The following BBIP1 variants were observed in gnomAD, a reference collection of about 807,000 sequenced individuals.
BBIP1 encodes the protein BBSome interacting protein 1.
BBIP1 carries 6 observed loss-of-function variants against 8.9 expected under a neutral mutation model. That is an observed-to-expected ratio of 0.67 (90% CI 0.37 to 1.33). The LOEUF is 1.33. Among genes scored for constraint, BBIP1 ranks in the 40% most tolerant of loss-of-function variants. BBIP1 has a pLI of 0.02. For synonymous variants in BBIP1, 32 were observed against 33.4 expected, an observed-to-expected ratio of 0.96 and a Z score of 0.14; for missense variants, 111 against 109.2, an observed-to-expected ratio of 1.02 and a Z score of -0.07.
At chr10:110,914,262 G>T (rs1405824777) in intron 2 of BBIP1, among the ~76,000 whole-genome samples, 4 of 151,940 alleles carry the variant, frequency 2.6e-5, no homozygotes, top group Non-Finnish European at 5.9e-5. Context: ...TATGTAAAGA[G>T]TATTTTTCTT....
intron 2 of BBIP1, among the ~76,000 whole-genome samples, chr10:110,915,082 T>C (rs1358978584): frequency 5.9e-5 from 9 of 152,302 alleles, no homozygotes. Flanking sequence ...GCATCAAAAC[T>C]CCCTGTACAA....
intron 2 of BBIP1, chr10:110,911,213 GCTT>G (rs1846267986): frequency 6.6e-6 from 1 of 152,072 alleles, no homozygotes; most frequent in Non-Finnish European, 1.5e-5. Flanking sequence ...GAAAAAATAA[GCTT>G]ATTAACATGT....
intron 2 of BBIP1, chr10:110,907,452 G>A (rs1031000659): frequency 9.1e-6 from 3 of 328,622 alleles, no homozygotes; most frequent in African/African-American, 6.5e-5. Flanking sequence ...GTTTTAGGTT[G>A]CAGTGAGATA....
chr10:110,901,879 G>T, intron 2 of BBIP1: 1 of 396,496 alleles, frequency 2.5e-6, no homozygotes, highest in Non-Finnish European at 4.7e-6. Flanking sequence ...ACTTGGTAGA[G>T]CTTCAGTTTT....
At chr10:110,904,405 A>G (rs1399322193) in intron 2 of BBIP1, 1 of 152,242 alleles carries the variant, frequency 6.6e-6, no homozygotes, top group African/African-American at 2.4e-5. Flanking sequence ...GGGATTAAGG[A>G]ATGCTGAGGG....
rs901977228 is a variant in BBIP1, at chr10:110,899,098, T to G, written c.*1262A>C. The G allele has an allele frequency of 6.6e-6, 1 of 152,208 alleles. No homozygotes were observed. Among genetic ancestry groups the G allele is most frequent in the Non-Finnish European group, 1.5e-5 (1 of 68,016 alleles). 9.4% of individuals were successfully genotyped at this position (152,208 alleles called of 1,614,324 possible). A position where few individuals can be genotyped will look rare whatever the true frequency, so the allele number is the denominator to read the frequency against. ...GACCCAAAGCTTGACATTTACCTAA[T>G]GTATGAGAAAATATTACCAATTAAC... On this transcript the variant is annotated 3_prime_UTR_variant, in exon 4 of 4. Coordinates refer to ENST00000448814, the MANE Select transcript of BBIP1 (RefSeq NM_001195305.3).
chr10:110,906,033 T>C (rs1249914646), intron 2 of BBIP1, among the ~76,000 whole-genome samples: 1 of 148,918 alleles, frequency 6.7e-6, no homozygotes, highest in Admixed American at 6.7e-5. Flanking sequence ...GACGGAGTCT[T>C]GCTCTGTCGC....
At chr10:110,908,177 G>C (rs944035345) in intron 2 of BBIP1, 5 of 155,878 alleles carry the variant, frequency 3.2e-5, no homozygotes, top group African/African-American at 1.2e-4. Context: ...ATTAAGTGAA[G>C]AATGACTTTT....
chr10:110,900,649 A>C (rs1845972491), intron 3 of BBIP1, 123 bp from the exon 4 acceptor site: 1 of 797,552 alleles, frequency 1.3e-6, no homozygotes. Context: ...TCTTGTACCT[A>C]AATTGAGTTT....
At chr10:110,906,931 G>A (rs1479889980) in intron 2 of BBIP1, 2 of 152,150 alleles carry the variant, frequency 1.3e-5, no homozygotes, top group African/African-American at 4.8e-5. Context: ...TTGAACTTAC[G>A]TTATATGCTA....
In BBIP1 at chr10:110,918,148, C is replaced by G; in HGVS notation, c.10G>C (p.Ala4Pro). The G allele has an allele frequency of 1.3e-6, 2 of 1,535,970 alleles. No individual in the cohort carries two copies. Among genetic ancestry groups the G allele is most frequent in the South Asian group, 2.4e-5 (2 of 84,058 alleles). The change falls in exon 2 of 4, where the codon GCT becomes CCT. Residue 4 changes from alanine to proline, a missense_variant. By Grantham distance (27) the Ala-to-Pro change is conservative. Transcript: ENST00000448814. ...GAAAGTTCTGGTCTTTTTGCTGCAG[C>G]TTTAAGCATCCAACCCGGTATTACC... MLK[A>P]AAKRPELSGK...
intron 2 of BBIP1, among the ~76,000 whole-genome samples, chr10:110,913,631 G>A (rs1478223218): frequency 2.6e-5 from 4 of 152,208 alleles, no homozygotes; most frequent in Non-Finnish European, 5.9e-5. Context: ...CTTTAAAATT[G>A]TAATCAAGGC....
intron 2 of BBIP1, chr10:110,910,490 G>A (rs10885061): frequency 0.1 from 15,877 of 152,124 alleles, 909 homozygotes; most frequent in Middle Eastern, 0.16. Context: ...ACAAAATAAA[G>A]GAAAAATGAG....
At chr10:110,917,471 C>T (rs1033528462) in intron 2 of BBIP1, among the ~76,000 whole-genome samples, 1 of 151,990 alleles carries the variant, frequency 6.6e-6, no homozygotes, top group African/African-American at 2.4e-5. Context: ...TTAACTGCTG[C>T]ATATAGATGA....
intron 2 of BBIP1, among the ~76,000 whole-genome samples, chr10:110,914,024 A>T (rs1436564946): frequency 6.6e-6 from 1 of 152,212 alleles, no homozygotes; most frequent in African/African-American, 2.4e-5. Flanking sequence ...GTGATGCTTC[A>T]CTTAGGTAAG....
At position 110,918,232 on chromosome 10, in the gene BBIP1, T is replaced by C; in HGVS notation, c.-56-19A>G. On this transcript the variant is annotated intron_variant, in intron 1 of 3. Coordinates refer to ENST00000448814, the MANE Select transcript of BBIP1 (RefSeq NM_001195305.3). Reference sequence around the variant, plus strand: ...GAAGAAACTACAAGATAATGTATGATAACTTTGTAAAGGGCCATATAAAAG... The same window carrying C: ...GAAGAAACTACAAGATAATGTATGACAACTTTGTAAAGGGCCATATAAAAG... 1 of 1,304,842 alleles carries C rather than the reference T, an allele frequency of 7.7e-7. No individual in the cohort carries two copies. The highest frequency in any genetic ancestry group is 1.1e-6 in the Non-Finnish European group (1 of 939,678). The allele number at this position is 1,304,842 out of a possible 1,614,324, so 80.8% of individuals were successfully genotyped here. A position where few individuals can be genotyped will look rare whatever the true frequency, so the allele number is the denominator to read the frequency against.
At position 110,918,202 on chromosome 10, in the gene BBIP1, A is replaced by T; in HGVS notation, c.-45T>A. 2.7e-6 allele frequency: 4 copies of T among 1,470,972 alleles called. No individual in the cohort carries two copies. In the East Asian group the frequency reaches 9.9e-5, roughly 36 times the overall value. The allele number at this position is 1,470,972 out of a possible 1,614,324, so 91.1% of individuals were successfully genotyped here. On this transcript the variant is annotated 5_prime_UTR_variant, in exon 2 of 4. It removes an upstream start codon present in the reference 5' UTR. Transcript: ENST00000448814. ...ATGACTTAGAGTTCTTGACTCAAGC[A>T]TACAGAAGAAACTACAAGATAATGT...
chr10:110,905,153 A>C (rs1247625375), intron 2 of BBIP1, among the ~76,000 whole-genome samples: 1 of 152,250 alleles, frequency 6.6e-6, no homozygotes, highest in Admixed American at 6.5e-5. Context: ...AACTTGAAGG[A>C]AAACCAAATC....
chr10:110,900,568 C>A, intron 3 of BBIP1, 42 bp from the exon 4 acceptor site: 2 of 1,436,414 alleles, frequency 1.4e-6, no homozygotes, highest in East Asian at 2.6e-5. Context: ...AGAAAGATAA[C>A]CCAGTTGTTT....
Sources: gnomAD v4.1 joint callset for allele counts (sites outside exome capture counted in the v4.1 genomes callset) on GRCh38, gnomAD v4.1.1 for gene constraint, MANE v1.5 for transcripts, NCBI Gene and HGNC (gene_info 2026-07-23, HGNC 2026-07-21) for gene names.